PPFIA2: variants seen among roughly 807,000 people sequenced by gnomAD.
PPFIA2 encodes the protein liprin-alpha-2.
In PPFIA2, 46 loss-of-function variants were observed where a neutral mutation model predicts 175.5. The observed-to-expected ratio is 0.26, with a 90% CI of 0.21 to 0.34. The LOEUF (loss-of-function observed/expected upper bound fraction) is 0.34, where lower values mean the gene tolerates loss of function less well. Ranked by LOEUF, PPFIA2 falls within the 10% of genes least tolerant of loss-of-function variation. The pLI, the probability that PPFIA2 is intolerant of heterozygous loss-of-function variation, is 1.00. For missense variants in PPFIA2, 1,179 were observed against 1,506.1 expected (o/e 0.78, Z 3.60); for synonymous variants, 568 against 511.4 (o/e 1.11, Z -1.49).
chr12:81,462,299 A>G (rs2054711512), intron 4 of PPFIA2, among the ~76,000 whole-genome samples: 1 of 144,698 alleles, frequency 6.9e-6, no homozygotes, highest in African/African-American at 2.5e-5. Context: ...ATATATATAT[A>G]TATGTTTTCT....
At chr12:81,460,993 G>C (rs1566927456) in intron 4 of PPFIA2, among the ~76,000 whole-genome samples, 1 of 151,876 alleles carries the variant, frequency 6.6e-6, no homozygotes, top group Non-Finnish European at 1.5e-5. Context: ...CTTCTGATTT[G>C]TGTTTCAATT....
intron 3 of PPFIA2, among the ~76,000 whole-genome samples, chr12:81,724,814 TA>T (rs2079839156): frequency 6.6e-6 from 1 of 150,964 alleles, no homozygotes; most frequent in African/African-American, 2.4e-5. Flanking sequence ...TTTTTTGATA[TA>T]ATGATTTCTG....
Position 81,457,651 on chromosome 12 carries a change from C to A in PPFIA2, c.405+114G>T, listed in dbSNP as rs2053823609. The A allele has an allele frequency of 6.7e-6, 4 of 600,848 alleles. No homozygotes were observed. The South Asian group carries it at 1.1e-4, about 17-fold the overall frequency. 37.2% of individuals were successfully genotyped at this position (600,848 alleles called of 1,614,324 possible). On this transcript the variant is annotated intron_variant, in intron 5 of 32. Transcript: ENST00000549396. ...CTTTAAGTAACTGAGTTACTATCTG[C>A]TTAAAGTAATTATAAAGTTTTAAAA... is the stretch of plus-strand genomic sequence containing the variant.
At chr12:81,267,197 GC>G in intron 29 of PPFIA2, 177 bp from the exon 30 acceptor site, 1 of 598,986 alleles carries the variant, frequency 1.7e-6, no homozygotes, top group South Asian at 1.7e-5. Context: ...AAAAAACAGG[GC>G]TTTTTTTTTT....
At chr12:81,744,405 T>A (rs377323137) in intron 3 of PPFIA2, among the ~76,000 whole-genome samples, 6 of 151,316 alleles carry the variant, frequency 4.0e-5, no homozygotes, top group African/African-American at 1.2e-4. Flanking sequence ...TCATGAGAAA[T>A]ATGAGAAATG....
intron 4 of PPFIA2, among the ~76,000 whole-genome samples, chr12:81,557,772 G>A (rs957503218): frequency 2.6e-4 from 39 of 151,996 alleles, no homozygotes; most frequent in Admixed American, 2.0e-3. Flanking sequence ...TTATAACTGA[G>A]CCTTCTCAAA....
intron 4 of PPFIA2, among the ~76,000 whole-genome samples, chr12:81,557,548 T>C (rs117445108): frequency 0.013 from 2,034 of 152,178 alleles, 16 homozygotes; most frequent in Non-Finnish European, 0.023. Flanking sequence ...AGCTATTTAA[T>C]AGCTACAGTG....
intron 28 of PPFIA2, among the ~76,000 whole-genome samples, chr12:81,274,502 G>A (rs2039994621): frequency 1.3e-5 from 2 of 151,806 alleles, no homozygotes; most frequent in Non-Finnish European, 2.9e-5. Context: ...TTCCTCCTCA[G>A]AACAAAATAC....
chr12:81,458,115 T>C (rs1365507751), intron 4 of PPFIA2, among the ~76,000 whole-genome samples: 2 of 152,150 alleles, frequency 1.3e-5, no homozygotes, highest in African/African-American at 4.8e-5. Context: ...ATATATCAGA[T>C]ACATCACACT....
chr12:81,514,849 C>T (rs949827136), intron 4 of PPFIA2, among the ~76,000 whole-genome samples: 4 of 151,868 alleles, frequency 2.6e-5, no homozygotes, highest in Non-Finnish European at 4.4e-5. Context: ...TAAATTAACT[C>T]ATTTATTATT....
chr12:81,592,180 T>C (rs1232720726), intron 4 of PPFIA2, among the ~76,000 whole-genome samples: 1 of 152,144 alleles, frequency 6.6e-6, no homozygotes, highest in Non-Finnish European at 1.5e-5. Flanking sequence ...TTGGCCAATT[T>C]CTCCTGTTTG....
At chr12:81,422,243 T>A (rs2046409790) in intron 7 of PPFIA2, among the ~76,000 whole-genome samples, 1 of 151,658 alleles carries the variant, frequency 6.6e-6, no homozygotes, top group Non-Finnish European at 1.5e-5. Context: ...TGCCATCCTG[T>A]TACACCTCTG....
At chr12:81,441,994 G>T (rs1489939032) in intron 6 of PPFIA2, among the ~76,000 whole-genome samples, 1 of 152,006 alleles carries the variant, frequency 6.6e-6, no homozygotes, top group Non-Finnish European at 1.5e-5. Context: ...TTGAATCTAG[G>T]CTACATGGTA....
chr12:81,352,367 G>A (rs937571667), intron 17 of PPFIA2, among the ~76,000 whole-genome samples: 2 of 146,164 alleles, frequency 1.4e-5, no homozygotes, highest in African/African-American at 2.6e-5. Flanking sequence ...GGTGGGCAGT[G>A]GGGGGCAGAC....
chr12:81,519,124 C>A (rs969473941), intron 4 of PPFIA2, among the ~76,000 whole-genome samples: 1 of 152,060 alleles, frequency 6.6e-6, no homozygotes, highest in Admixed American at 6.5e-5. Flanking sequence ...AAATCTCCTA[C>A]CTTTTAAATG....
At position 81,365,962 on chromosome 12, in the gene PPFIA2, ATCCCTCCCTCCC is replaced by A. The variant is rs141006203; in HGVS notation, c.1545+1134_1545+1145del. 2.4e-4 allele frequency among the ~76,000 whole-genome samples: 23 copies of A among 96,044 alleles called. No homozygotes were observed. The East Asian group carries it at 6.6e-3, about 28-fold the overall frequency. 63.0% of individuals were successfully genotyped at this position (96,044 alleles called of 152,430 possible). ...TCCAATACCTTCTATATCCCATACT[ATCCCTCCCTCCC>A]TCCCTCCCTCCCTTCCTTCCTTCCT... On this transcript the variant is annotated intron_variant, in intron 14 of 32. Coordinates refer to ENST00000549396, the MANE Select transcript of PPFIA2 (RefSeq NM_003625.5).
At chr12:81,697,987 C>G (rs1429376764) in intron 3 of PPFIA2, among the ~76,000 whole-genome samples, 1 of 152,070 alleles carries the variant, frequency 6.6e-6, no homozygotes, top group East Asian at 1.9e-4. Flanking sequence ...TATACAGACA[C>G]ATTTGTTGAG....
chr12:81,328,965 G>A (rs1312335872), intron 21 of PPFIA2, among the ~76,000 whole-genome samples: 2 of 151,674 alleles, frequency 1.3e-5, no homozygotes, highest in Admixed American at 6.6e-5. Context: ...CACTATGCCC[G>A]GCTAGTTTTT....
At position 81,724,535 on chromosome 12, in the gene PPFIA2, T is replaced by G. The variant is rs1415897029; in HGVS notation, c.249+29438A>C. On this transcript the variant is annotated intron_variant, in intron 3 of 32. Transcript: ENST00000549396. ...ATTATTTCACTCTCTTATGTCCACA[T>G]GTATGCATTATTTAGCTCCCAATTA... 4.6e-5 allele frequency among the ~76,000 whole-genome samples: 7 copies of G among 150,936 alleles called. No homozygotes were observed. The Admixed American group carries it at 4.6e-4, about 10-fold the overall frequency.
Sources: gnomAD v4.1 joint callset for allele counts (sites outside exome capture counted in the v4.1 genomes callset) on GRCh38, gnomAD v4.1.1 for gene constraint, MANE v1.5 for transcripts, NCBI Gene and HGNC (gene_info 2026-07-23, HGNC 2026-07-21) for gene names.